PPARG: variants seen among roughly 807,000 people sequenced by gnomAD.
The protein encoded by PPARG is peroxisome proliferator activated receptor gamma.
In PPARG, 17 loss-of-function variants were observed where a neutral mutation model predicts 39.2. The observed-to-expected ratio is 0.43, with a 90% CI of 0.30 to 0.65. The LOEUF (loss-of-function observed/expected upper bound fraction) is 0.65, where lower values mean the gene tolerates loss of function less well. PPARG is among the 30% of genes least tolerant of loss of function. The probability of loss-of-function intolerance (pLI) is 0.13; values close to 1 mark genes in which losing one functional copy is unlikely to be tolerated. For synonymous variants in PPARG, 223 were observed against 215.7 expected, an observed-to-expected ratio of 1.03 and a Z score of -0.30; for missense variants, 406 against 585.9, an observed-to-expected ratio of 0.69 and a Z score of 3.17.
At chr3:12,317,626 T>C (rs1450810602) in intron 2 of PPARG, among the ~76,000 whole-genome samples, 1 of 152,206 alleles carries the variant, frequency 6.6e-6, no homozygotes, top group Non-Finnish European at 1.5e-5. Flanking sequence ...CTTATACCAT[T>C]ACATACCATG....
intron 7 of PPARG, among the ~76,000 whole-genome samples, chr3:12,433,398 C>A (rs560105160): frequency 6.6e-6 from 1 of 151,874 alleles, no homozygotes; most frequent in East Asian, 1.9e-4. Context: ...ATTAGAAAGG[C>A]GTGGTGGTGA....
chr3:12,326,954 C>T lies in PPARG; in HGVS notation c.-9+14501C>T, dbSNP rs372960091. On this transcript the variant is annotated intron_variant, in intron 2 of 7. Transcript: ENST00000651735. ...GATAGCCATCCTATGAGAATGTGAA[C>T]TTGAAATAAGATTTTGATTACTTTT... Among the ~76,000 whole-genome samples, 120 of 152,176 alleles carry T rather than the reference C, an allele frequency of 7.9e-4. 3 individuals carry two copies. In the South Asian group the frequency reaches 0.025, roughly 31 times the overall value.
chr3:12,388,675 A>G (rs1051078496), intron 4 of PPARG, among the ~76,000 whole-genome samples: 1 of 152,174 alleles, frequency 6.6e-6, no homozygotes, highest in Non-Finnish European at 1.5e-5. Context: ...CATCATCAAC[A>G]AGAAAACTGA....
At chr3:12,298,772 G>A (rs1004509203) in intron 1 of PPARG, among the ~76,000 whole-genome samples, 6 of 152,084 alleles carry the variant, frequency 3.9e-5, no homozygotes, top group African/African-American at 1.2e-4. Context: ...AAAGAACCTC[G>A]ATGTGATGAT....
At chr3:12,384,188 T>C (rs2049788066) in intron 4 of PPARG, among the ~76,000 whole-genome samples, 1 of 152,134 alleles carries the variant, frequency 6.6e-6, no homozygotes, top group African/African-American at 2.4e-5. Flanking sequence ...AATATACTAC[T>C]TAATATAAAG....
At chr3:12,413,417 A>T (rs182742647) in intron 6 of PPARG, among the ~76,000 whole-genome samples, 32 of 152,290 alleles carry the variant, frequency 2.1e-4, no homozygotes, top group Non-Finnish European at 3.5e-4. Flanking sequence ...ATCAGATATG[A>T]CTAGGGAAAA....
At chr3:12,309,873 C>T (rs1219126302) in intron 1 of PPARG, among the ~76,000 whole-genome samples, 1 of 152,154 alleles carries the variant, frequency 6.6e-6, no homozygotes, top group Non-Finnish European at 1.5e-5. Context: ...CTAACGTGGG[C>T]TGTGTTTAAG....
intron 6 of PPARG, among the ~76,000 whole-genome samples, chr3:12,415,935 A>AG (rs1435397222): frequency 1.3e-5 from 2 of 152,254 alleles, no homozygotes; most frequent in African/African-American, 4.8e-5. Flanking sequence ...AGAAATTTTA[A>AG]GAAAAAAAAA....
intron 2 of PPARG, among the ~76,000 whole-genome samples, chr3:12,318,135 G>A (rs547699267): frequency 8.5e-5 from 13 of 152,232 alleles, no homozygotes; most frequent in African/African-American, 2.9e-4. Flanking sequence ...CACCGCACCT[G>A]GCTAATTGCT....
Position 12,289,770 on chromosome 3 carries a change from C to T in PPARG, c.-83+636C>T, listed in dbSNP as rs372325051. On this transcript the variant is annotated intron_variant, in intron 1 of 7. Coordinates refer to ENST00000651735, the MANE Select transcript of PPARG (RefSeq NM_138711.6). ...GCTTTTCTCTTAAAGAAATACCTTTCACTCCTAGGGGAGTTTGACAGAAGA... is the reference window on the plus strand; with the variant it reads ...GCTTTTCTCTTAAAGAAATACCTTTTACTCCTAGGGGAGTTTGACAGAAGA... 1.2e-4 allele frequency among the ~76,000 whole-genome samples: 18 copies of T among 152,270 alleles called. No individual in the cohort carries two copies. In the South Asian group the frequency reaches 2.3e-3, roughly 19 times the overall value.
chr3:12,320,705 T>A (rs1202934346), intron 2 of PPARG, among the ~76,000 whole-genome samples: 1 of 152,020 alleles, frequency 6.6e-6, no homozygotes, highest in Non-Finnish European at 1.5e-5. Flanking sequence ...TGAGACCCTG[T>A]CTCTGCAAAA....
At position 12,312,380 on chromosome 3, in the gene PPARG, A is replaced by G. The variant is rs1033091133; in HGVS notation, c.-82A>G. The G allele has an allele frequency of 1.3e-5, 2 of 152,230 alleles. No individual in the cohort carries two copies. The highest frequency in any genetic ancestry group is 4.8e-5 in the African/African-American group (2 of 41,458). 9.4% of individuals were successfully genotyped at this position (152,230 alleles called of 1,614,324 possible). The stretch of plus-strand genomic sequence containing the variant: ...ATCTTGTCTCTTTTTTATTGTTAAG[A>G]TTTGAAAGAAGCCAACACTAAACCA... On this transcript the variant is annotated splice_region_variant and 5_prime_UTR_variant, in exon 2 of 8. Transcript: ENST00000651735.
At chr3:12,424,601 C>T (rs1421256451) in intron 7 of PPARG, among the ~76,000 whole-genome samples, 1 of 152,200 alleles carries the variant, frequency 6.6e-6, no homozygotes, top group Non-Finnish European at 1.5e-5. Flanking sequence ...GACGTTCAGA[C>T]AGATCATCTG....
intron 6 of PPARG, among the ~76,000 whole-genome samples, chr3:12,413,055 C>CA (rs2050934506): frequency 1.3e-5 from 2 of 151,934 alleles, no homozygotes; most frequent in South Asian, 2.1e-4. Context: ...GTAAAAAATA[C>CA]AAAAAAACAG....
At chr3:12,404,808 T>TATAAA (rs749537356) in intron 5 of PPARG, among the ~76,000 whole-genome samples, 21 of 152,124 alleles carry the variant, frequency 1.4e-4, no homozygotes, top group Non-Finnish European at 2.2e-4. Context: ...CATCTCAAAA[T>TATAAA]ATAAAATAAA....
At chr3:12,302,923 C>T (rs554394269) in intron 1 of PPARG, among the ~76,000 whole-genome samples, 73 of 152,192 alleles carry the variant, frequency 4.8e-4, no homozygotes, top group Middle Eastern at 3.4e-3. Flanking sequence ...CAGATGTGGA[C>T]GATGCTCTGA....
chr3:12,382,059 G>A (rs982249614), intron 4 of PPARG, among the ~76,000 whole-genome samples: 2 of 152,118 alleles, frequency 1.3e-5, no homozygotes, highest in Admixed American at 1.3e-4. Context: ...CCACATTGCA[G>A]ATGTAGAAAT....
intron 2 of PPARG, among the ~76,000 whole-genome samples, chr3:12,325,226 G>T (rs1020731467): frequency 6.6e-6 from 1 of 152,096 alleles, no homozygotes; most frequent in Admixed American, 6.5e-5. Flanking sequence ...TTCAAGACCA[G>T]CCTGGCCAAC....
chr3:12,366,859 T>G (rs1193345329), intron 2 of PPARG, among the ~76,000 whole-genome samples: 1 of 152,184 alleles, frequency 6.6e-6, no homozygotes, highest in East Asian at 1.9e-4. Context: ...AGGGTTTATT[T>G]TCCTTGTAAT....
Sources: allele counts gnomAD v4.1 joint callset (sites outside exome capture counted in the v4.1 genomes callset), GRCh38; gene constraint gnomAD v4.1.1; transcripts MANE v1.5; gene names NCBI Gene and HGNC (gene_info 2026-07-23, HGNC 2026-07-21).